The following NTSR2 variants were observed in gnomAD, a reference collection of about 807,000 sequenced individuals.
NTSR2 encodes the protein neurotensin receptor type 2.
In NTSR2, 22 loss-of-function variants were observed where a neutral mutation model predicts 24.1. The ratio of observed to expected loss-of-function variants is 0.91; its 90% CI spans 0.65 to 1.30. The LOEUF (loss-of-function observed/expected upper bound fraction) is 1.30. Ranked by LOEUF, NTSR2 falls within the 50% of genes most tolerant of loss-of-function variation. The pLI is 0.00. For missense variants in NTSR2, 570 were observed against 570.4 expected (o/e 1.00, Z 0.01); for synonymous variants, 291 against 267.0 (o/e 1.09, Z -0.88).
intron 1 of NTSR2, among the ~76,000 whole-genome samples, chr2:11,664,357 A>G (rs775006849): frequency 6.6e-6 from 1 of 152,180 alleles, no homozygotes; most frequent in African/African-American, 2.4e-5. Flanking sequence ...AGCTCAAGCA[A>G]TCTGCCCACC....
chr2:11,659,100 G>C (rs1322064279), intron 3 of NTSR2, among the ~76,000 whole-genome samples: 1 of 152,284 alleles, frequency 6.6e-6, no homozygotes, highest in East Asian at 1.9e-4. Context: ...TGATCCACCT[G>C]CCTTAGCCTC....
rs1329970361 is a variant in NTSR2 at position 11,669,940 on chromosome 2, G to T, written c.190C>A (p.Arg64Ser). The stretch of plus-strand genomic sequence containing the variant: ...ACGTGGTGGCGCAGGCGCCCCGCGC[G>T]CCCGGCCCGCGCCTTCAGCACCACG... Reference protein sequence around the residue: ...AHVVLKARAGRAGRLRHHVLS... With the variant: ...AHVVLKARAGSAGRLRHHVLS... Residue 64 changes from arginine to serine, a missense_variant, in exon 1 of 4, where the codon CGC becomes AGC. Coordinates refer to ENST00000306928, the MANE Select transcript of NTSR2 (RefSeq NM_012344.4). 2.6e-6 allele frequency: 4 copies of T among 1,514,422 alleles called. No homozygotes were observed. Among genetic ancestry groups the T allele is most frequent in the East Asian group, 2.5e-5 (1 of 40,100 alleles). 93.8% of individuals were successfully genotyped at this position (1,514,422 alleles called of 1,614,324 possible).
chr2:11,663,602 A>G (rs927826077), intron 1 of NTSR2, among the ~76,000 whole-genome samples: 1 of 152,240 alleles, frequency 6.6e-6, no homozygotes, highest in African/African-American at 2.4e-5. Context: ...AATACAACAC[A>G]TGGGTCATCT....
intron 1 of NTSR2, 46 bp downstream of exon 1, chr2:11,669,460 G>GGGCGGGGGGGGGCCCCCCC: frequency 3.9e-6 from 1 of 254,726 alleles, no homozygotes; most frequent in Non-Finnish European, 6.9e-6. Flanking sequence ...TCCCAGCACC[G>GGGCGGGGGGGGGCCCCCCC]CCCCCCCACC....
At chr2:11,663,651 G>A (rs1180470759) in intron 1 of NTSR2, among the ~76,000 whole-genome samples, 1 of 152,142 alleles carries the variant, frequency 6.6e-6, no homozygotes, top group Non-Finnish European at 1.5e-5. Flanking sequence ...CATAAATACT[G>A]AACATAAATT....
chr2:11,660,237 T>C (rs1661043752), intron 2 of NTSR2, 104 bp from the exon 3 acceptor site: 2 of 843,478 alleles, frequency 2.4e-6, no homozygotes, highest in Non-Finnish European at 3.9e-6. Context: ...TAGCAGCATT[T>C]CCCTCTAACT....
chr2:11,658,921 A>G (rs55911243), intron 3 of NTSR2, among the ~76,000 whole-genome samples, 199 bp from the exon 4 acceptor site: 1,965 of 152,192 alleles, frequency 0.013, 54 homozygotes, highest in African/African-American at 0.044. Context: ...GTGCAATGGC[A>G]TGGCTCACTG....
At position 11,660,074 on chromosome 2, in the gene NTSR2, A is replaced by G. The variant is rs1240144179; in HGVS notation, c.958T>C (p.Tyr320His). Residue 320 changes from tyrosine (Y) to histidine (H), a missense_variant, in exon 3 of 4, where the codon TAC (tyrosine) becomes CAC (histidine). Tyr to His is a moderately conservative substitution (Grantham distance 83). Transcript: ENST00000306928. ...CACGCGTCATCAGGTACGTAGCAGT[A>G]CATGAGCCTGCGGGCATGGTACGGC... ...WLPYHARRLM[Y>H]CYVPDDAWTD... is the part of the protein sequence containing the mutation. 4 of 1,614,040 alleles carry G rather than the reference A, an allele frequency of 2.5e-6. No homozygotes were observed. The highest frequency in any genetic ancestry group is 3.4e-6 in the Non-Finnish European group (4 of 1,179,998).
Position 11,666,685 on chromosome 2 carries a change from G to A in NTSR2, c.624+2821C>T, listed in dbSNP as rs372662297. Among the ~76,000 whole-genome samples, 96 of 152,286 alleles carry A rather than the reference G, an allele frequency of 6.3e-4. 3 individuals carry two copies. The South Asian group carries it at 0.02, about 32-fold the overall frequency. On this transcript the variant is annotated intron_variant, in intron 1 of 3. Coordinates refer to ENST00000306928, the MANE Select transcript of NTSR2 (RefSeq NM_012344.4). ...CTGCAATCCAGCCTGGCGACAGAGT[G>A]AGACTCCATATCAAAAACGAAACAA... is the stretch of plus-strand genomic sequence containing the variant.
chr2:11,669,460 G>GGGGCCGGGGGCCCCCCCCCCCCCCCC, intron 1 of NTSR2, 46 bp downstream of exon 1: 1 of 254,726 alleles, frequency 3.9e-6, no homozygotes, highest in East Asian at 5.5e-5. Context: ...TCCCAGCACC[G>GGGGCCGGGGGCCCCCCCCCCCCCCCC]CCCCCCCACC....
chr2:11,659,625 A>AGG (rs1288953090), intron 3 of NTSR2, among the ~76,000 whole-genome samples: 1 of 152,214 alleles, frequency 6.6e-6, no homozygotes, highest in East Asian at 1.9e-4. Flanking sequence ...ATGTCATAAA[A>AGG]GGGGGTGCAT....
chr2:11,668,546 G>A (rs941952198), intron 1 of NTSR2, among the ~76,000 whole-genome samples: 9 of 152,182 alleles, frequency 5.9e-5, no homozygotes, highest in African/African-American at 2.2e-4. Flanking sequence ...ATACCCTCGT[G>A]TGCCAGTGTG....
intron 1 of NTSR2, among the ~76,000 whole-genome samples, chr2:11,667,509 TA>T (rs1661231045): frequency 6.6e-6 from 1 of 152,034 alleles, no homozygotes; most frequent in African/African-American, 2.4e-5. Context: ...CATGCCCAGC[TA>T]ACTATTTTAT....
chr2:11,660,182 A>G, intron 2 of NTSR2, 49 bp from the exon 3 acceptor site: 1 of 1,415,588 alleles, frequency 7.1e-7, no homozygotes, highest in Non-Finnish European at 1.0e-6. Context: ...AAGCAAACAC[A>G]TTCTCAGTTA....
intron 1 of NTSR2, 73 bp downstream of exon 1, chr2:11,669,433 G>A (rs936447291): frequency 8.7e-5 from 82 of 943,058 alleles, no homozygotes; most frequent in Admixed American, 1.5e-4. Flanking sequence ...GTTCCCCGGG[G>A]AGAGGGGGTT....
chr2:11,663,566 A>G (rs1324701822), intron 1 of NTSR2, among the ~76,000 whole-genome samples: 1 of 152,268 alleles, frequency 6.6e-6, no homozygotes, highest in East Asian at 1.9e-4. Context: ...CCGCAAAGAA[A>G]ACAAAAGTCC....
intron 1 of NTSR2, among the ~76,000 whole-genome samples, chr2:11,667,812 A>AT (rs1661236778): frequency 6.6e-6 from 1 of 152,192 alleles, no homozygotes; most frequent in Non-Finnish European, 1.5e-5. Flanking sequence ...CCAGGTGCGC[A>AT]TTGGAGCCCC....
rs1404054255 is a variant in NTSR2, at chr2:11,658,459, T to A, written c.*20A>T. ...AAGCAGCTGGTCATTTTGCTTGTTC[T>A]GTTCATTCTTGCATTACATTCAGGT... On this transcript the variant is annotated 3_prime_UTR_variant, in exon 4 of 4. Transcript: ENST00000306928. 6.4e-7 allele frequency: 1 copy of A among 1,570,826 alleles called. No individual in the cohort carries two copies. Among genetic ancestry groups the A allele is most frequent in the Admixed American group, 1.9e-5 (1 of 54,052 alleles).
At chr2:11,664,423 G>T (rs528438313) in intron 1 of NTSR2, among the ~76,000 whole-genome samples, 1 of 152,240 alleles carries the variant, frequency 6.6e-6, no homozygotes, top group South Asian at 2.1e-4. Context: ...TGGACTAACT[G>T]AATGATATTT....
Sources: allele counts gnomAD v4.1 joint callset (sites outside exome capture counted in the v4.1 genomes callset), GRCh38; gene constraint gnomAD v4.1.1; transcripts MANE v1.5; gene names NCBI Gene and HGNC (gene_info 2026-07-23, HGNC 2026-07-21).